TMEM8B: variants seen among roughly 807,000 people sequenced by gnomAD.
TMEM8B encodes transmembrane protein 8B, also known as nasopharyngeal carcinoma expressed 6.
A neutral mutation model predicts 49.3 loss-of-function variants in TMEM8B; 29 were observed. That is an observed-to-expected ratio of 0.59 (90% CI 0.44 to 0.80). The LOEUF is 0.80. Ranked by LOEUF, TMEM8B falls within the 30% of genes least tolerant of loss-of-function variation. The probability of loss-of-function intolerance (pLI) is 0.00; values close to 1 mark genes in which losing one functional copy is unlikely to be tolerated. For synonymous variants in TMEM8B, 264 were observed against 272.8 expected, an observed-to-expected ratio of 0.97 and a Z score of 0.32; for missense variants, 575 against 658.5, an observed-to-expected ratio of 0.87 and a Z score of 1.39.
chr9:35,843,455 A>G (rs1237631278), intron 6 of TMEM8B, among the ~76,000 whole-genome samples: 3 of 152,116 alleles, frequency 2.0e-5, no homozygotes, highest in South Asian at 2.1e-4. Context: ...TTCCTTCACT[A>G]TCTCACCTGG....
Position 35,863,748 on chromosome 9 carries a change from G to A in TMEM8B, c.*9908G>A, listed in dbSNP as rs1272382202. ...GGGGAAGGACACACTGGAGGCTCTT[G>A]CTGCTCTGAGCCACAGGAGACATTT... On this transcript the variant is annotated 3_prime_UTR_variant, in exon 13 of 13. Transcript: ENST00000643932. The A allele has an allele frequency of 6.6e-6, 1 of 152,222 alleles. No individual in the cohort carries two copies. Among genetic ancestry groups the A allele is most frequent in the Non-Finnish European group, 1.5e-5 (1 of 68,068 alleles). 9.4% of individuals were successfully genotyped at this position (152,222 alleles called of 1,614,324 possible). A position where few individuals can be genotyped will look rare whatever the true frequency, so the allele number is the denominator to read the frequency against.
rs1027998034 is a variant in TMEM8B at position 35,857,931 on chromosome 9, C to T, written c.*4091C>T. The T allele has an allele frequency of 2.6e-5, 4 of 152,208 alleles. No individual in the cohort carries two copies. The highest frequency in any genetic ancestry group is 7.2e-5 in the African/African-American group (3 of 41,380). 9.4% of individuals were successfully genotyped at this position (152,208 alleles called of 1,614,324 possible). On this transcript the variant is annotated 3_prime_UTR_variant, in exon 13 of 13. Transcript: ENST00000643932. Reference sequence around the variant, plus strand: ...TGCCTTCAATCTCAGTGACTGGTGACCTGCAGGAGAAGCTGTCACCTTTGC... The same window carrying T: ...TGCCTTCAATCTCAGTGACTGGTGATCTGCAGGAGAAGCTGTCACCTTTGC...
In TMEM8B at chr9:35,863,895, C is replaced by T. The variant is rs1564057497; in HGVS notation, c.*10055C>T. 6.6e-6 allele frequency: 1 copy of T among 152,274 alleles called. No individual in the cohort carries two copies. The highest frequency in any genetic ancestry group is 1.5e-5 in the Non-Finnish European group (1 of 68,070). The allele number at this position is 152,274 out of a possible 1,614,324, so 9.4% of individuals were successfully genotyped here. ...GGGTGCAATGGCGTCTTATGACTCT[C>T]AGAAAGCTACTCTAGTGGCCATCTA... On this transcript the variant is annotated 3_prime_UTR_variant, in exon 13 of 13. Transcript: ENST00000643932.
intron 10 of TMEM8B, among the ~76,000 whole-genome samples, chr9:35,852,425 G>T (rs1297663455): frequency 6.6e-6 from 1 of 152,198 alleles, no homozygotes; most frequent in Admixed American, 6.5e-5. Context: ...ATAGTGGGGA[G>T]ATTTGGTTTC....
chr9:35,845,613 G>C, intron 6 of TMEM8B: 1 of 985,410 alleles, frequency 1.0e-6, no homozygotes, highest in South Asian at 4.7e-5. Context: ...AATTGCCTTT[G>C]TCCACAATTA....
chr9:35,859,310 C>G lies in TMEM8B; in HGVS notation c.*5470C>G, dbSNP rs965665819. 6.4e-6 allele frequency: 1 copy of G among 157,072 alleles called. No homozygotes were observed. The highest frequency in any genetic ancestry group is 2.4e-5 in the African/African-American group (1 of 41,584). The allele number at this position is 157,072 out of a possible 1,614,324, so 9.7% of individuals were successfully genotyped here. A position where few individuals can be genotyped will look rare whatever the true frequency, so the allele number is the denominator to read the frequency against. On this transcript the variant is annotated 3_prime_UTR_variant, in exon 13 of 13. Coordinates refer to ENST00000643932, the MANE Select transcript of TMEM8B (RefSeq NM_001042590.4). ...TGCACCGGCCTGCAGCAGAGGGTAC[C>G]CTAAGGATGGCAGACAGGATGAAAA...
intron 6 of TMEM8B, among the ~76,000 whole-genome samples, chr9:35,844,251 C>T (rs1271281314): frequency 6.6e-6 from 1 of 152,262 alleles, no homozygotes; most frequent in Non-Finnish European, 1.5e-5. Flanking sequence ...TGGTTTGGAA[C>T]TCGGGCCTTC....
rs984613172 is a variant in TMEM8B, at chr9:35,854,183, T to C, written c.*343T>C. ...TCCTTCCCAGGGAGACAAAGCCCTGTCAGGAGCACAGCATCTTTCCAGAGG... is the reference window on the plus strand; with the variant it reads ...TCCTTCCCAGGGAGACAAAGCCCTGCCAGGAGCACAGCATCTTTCCAGAGG... On this transcript the variant is annotated 3_prime_UTR_variant, in exon 13 of 13. Coordinates refer to ENST00000643932, the MANE Select transcript of TMEM8B (RefSeq NM_001042590.4). 2 of 331,880 alleles carry C rather than the reference T, an allele frequency of 6.0e-6. No individual in the cohort carries two copies. Among genetic ancestry groups the C allele is most frequent in the Non-Finnish European group, 9.6e-6 (2 of 207,696 alleles). 20.6% of individuals were successfully genotyped at this position (331,880 alleles called of 1,614,324 possible). A position where few individuals can be genotyped will look rare whatever the true frequency, so the allele number is the denominator to read the frequency against.
In TMEM8B at chr9:35,853,102, CA is replaced by C; in HGVS notation, c.2323-38del. The C allele has an allele frequency of 6.2e-7, 1 of 1,609,234 alleles. No homozygotes were observed. Among genetic ancestry groups the C allele is most frequent in the Non-Finnish European group, 8.5e-7 (1 of 1,175,752 alleles). On this transcript the variant is annotated intron_variant, in intron 11 of 12. Transcript: ENST00000643932. This position sits in a 1 kb window ranked among gnomAD's most constrained non-coding sequence, Gnocchi z 4.2. ...ACCCAGGCCCTGGAGTGCTGTCTGT[CA>C]CCTGGCCCTAGCCCAGCCCTTGAGT...
intron 9 of TMEM8B, 45 bp downstream of exon 9, chr9:35,846,656 G>T: frequency 6.4e-7 from 1 of 1,567,350 alleles, no homozygotes; most frequent in Non-Finnish European, 8.6e-7. Flanking sequence ...ACTGGAGGTG[G>T]ACCTGCTGGG....
chr9:35,830,717 C>T lies in TMEM8B; in HGVS notation c.508+762C>T, dbSNP rs116407487. 1.7e-3 allele frequency among the ~76,000 whole-genome samples: 262 copies of T among 152,280 alleles called. 1 individual carries two copies. Among genetic ancestry groups the T allele is most frequent in the African/African-American group, 6.0e-3 (251 of 41,556 alleles). On this transcript the variant is annotated intron_variant, in intron 1 of 12. Transcript: ENST00000643932. ...AAATAGACCCAAGTGGGGAAAGGCT[C>T]AAAGCATAACCTCCCTTCTCCCCGG... is the stretch of plus-strand genomic sequence containing the variant.
At chr9:35,845,588 G>A in intron 6 of TMEM8B, 1 of 985,458 alleles carries the variant, frequency 1.0e-6, no homozygotes. Context: ...AGGTGAAGAT[G>A]ATGGGAAACC....
chr9:35,834,435 T>C (rs1830237664), intron 1 of TMEM8B, 26 bp from the exon 2 acceptor site: 1 of 414,112 alleles, frequency 2.4e-6, no homozygotes, highest in African/African-American at 2.1e-5. Flanking sequence ...CCTGCCCTGC[T>C]CCTTTCTCTC....
chr9:35,833,435 ACCCTCTTC>A lies in TMEM8B; in HGVS notation c.509-1021_509-1014del, dbSNP rs1168905424. 21 of 909,260 alleles carry A rather than the reference ACCCTCTTC, an allele frequency of 2.3e-5. No individual in the cohort carries two copies. The Admixed American group carries it at 6.8e-4, about 29-fold the overall frequency. 56.3% of individuals were successfully genotyped at this position (909,260 alleles called of 1,614,324 possible). On this transcript the variant is annotated intron_variant, in intron 1 of 12. Coordinates refer to ENST00000643932, the MANE Select transcript of TMEM8B (RefSeq NM_001042590.4). The stretch of plus-strand genomic sequence containing the variant: ...TGAGAGACCTTGCCTGCCATTTGGG[ACCCTCTTC>A]CCCTGTCTGCTACTGGTTGCCTCCA...
At chr9:35,836,036 G>A (rs761450337) in intron 3 of TMEM8B, among the ~76,000 whole-genome samples, 2 of 152,212 alleles carry the variant, frequency 1.3e-5, no homozygotes, top group Non-Finnish European at 2.9e-5. Context: ...GGCCTGTGGT[G>A]AGGGTGAAGA....
chr9:35,853,792 C>G lies in TMEM8B; in HGVS notation c.2727C>G (p.Gly909=), dbSNP rs749093232. 4.4e-6 allele frequency: 7 copies of G among 1,580,638 alleles called. No homozygotes were observed. Among genetic ancestry groups the G allele is most frequent in the Non-Finnish European group, 6.0e-6 (7 of 1,163,110 alleles). Reference sequence around the variant, plus strand: ...GCATCAACGAGCAGGAGGAGCTGGGCCTCGTGGGCCCAGGAGGGGCCACTG... The same window carrying G: ...GCATCAACGAGCAGGAGGAGCTGGGGCTCGTGGGCCCAGGAGGGGCCACTG... ...QLCINEQEEL[G]LVGPGGATVS... is the part of the protein sequence containing the mutation. Residue 909 remains glycine, a synonymous_variant, in exon 13 of 13, where the codon GGC becomes GGG. Transcript: ENST00000643932. This position sits in a 1 kb window ranked among gnomAD's most constrained non-coding sequence, Gnocchi z 4.2.
At chr9:35,833,608 G>A (rs973287338) in intron 1 of TMEM8B, among the ~76,000 whole-genome samples, 8 of 152,070 alleles carry the variant, frequency 5.3e-5, no homozygotes, top group African/African-American at 9.7e-5. Flanking sequence ...CTCCCAACTC[G>A]GCCTGCTCTG....
chr9:35,842,669 A>G lies in TMEM8B; in HGVS notation c.1587A>G (p.Pro529=). The G allele has an allele frequency of 2.5e-6, 4 of 1,614,064 alleles. No homozygotes were observed. The highest frequency in any genetic ancestry group is 3.4e-6 in the Non-Finnish European group (4 of 1,179,962). ...CCGTGTTCGCCATGAGGCTGTTGCC[A>G]GTGCTGGACAGTGGAGGCGTCCTCA... ...RPAVFAMRLL[P]VLDSGGVLSL... is the part of the protein sequence containing the mutation. The change falls in exon 6 of 13, where the codon CCA becomes CCG. Residue 529 remains proline, a synonymous_variant. Transcript: ENST00000643932. This position sits in a 1 kb window ranked among gnomAD's most constrained non-coding sequence, Gnocchi z 5.6.
intron 3 of TMEM8B, among the ~76,000 whole-genome samples, chr9:35,837,627 A>G (rs189559022): frequency 6.6e-6 from 1 of 152,130 alleles, no homozygotes; most frequent in African/African-American, 2.4e-5. Flanking sequence ...GAAGTGACTT[A>G]CCTGGTCCGG....
Sources: allele counts gnomAD v4.1 joint callset (sites outside exome capture counted in the v4.1 genomes callset), GRCh38; gene constraint gnomAD v4.1.1; non-coding constraint Gnocchi (gnomAD v3.1); transcripts MANE v1.5; gene names NCBI Gene and HGNC (gene_info 2026-07-23, HGNC 2026-07-21).